RRP15: variants seen among roughly 807,000 people sequenced by gnomAD.
The protein encoded by RRP15 is ribosomal RNA processing 15 homolog.
In RRP15, 18 loss-of-function variants were observed where a neutral mutation model predicts 27.1. That is an observed-to-expected ratio of 0.66 (90% CI 0.46 to 0.98). The LOEUF is 0.98. RRP15 is among the 50% of genes least tolerant of loss of function. RRP15 has a pLI of 0.00. For missense variants in RRP15, 359 were observed against 337.8 expected (o/e 1.06, Z -0.49); for synonymous variants, 107 against 109.4 (o/e 0.98, Z 0.14).
At chr1:218,304,885 A>G (rs972811216) in intron 2 of RRP15, 143 bp from the exon 3 acceptor site, 1 of 695,724 alleles carries the variant, frequency 1.4e-6, no homozygotes, top group East Asian at 2.9e-5. Flanking sequence ...CTAAACCCCT[A>G]ACATTGTGTT....
chr1:218,309,682 CA>C (rs751452477), intron 4 of RRP15, among the ~76,000 whole-genome samples: 2,023 of 22,494 alleles, frequency 0.09, 7 homozygotes, highest in African/African-American at 0.16. Flanking sequence ...GACTCCATCT[CA>C]AAAAAAAAAA....
chr1:218,302,371 C>T lies in RRP15; in HGVS notation c.217C>T (p.Pro73Ser), dbSNP rs1333334882. 6.2e-7 allele frequency: 1 copy of T among 1,613,900 alleles called. No homozygotes were observed. The highest frequency in any genetic ancestry group is 2.2e-5 in the East Asian group (1 of 44,852). ...AGCTGACAGTGAGGGTGATGCTGAGCCCTGTGACAAAGAAAATGAAAATGA... is the reference window on the plus strand; with the variant it reads ...AGCTGACAGTGAGGGTGATGCTGAGTCCTGTGACAAAGAAAATGAAAATGA... ...IEADSEGDAE[P>S]CDKENENDGE... The change falls in exon 2 of 5, where the codon CCC (proline) becomes TCC (serine). Residue 73 changes from proline to serine, a missense_variant. By Grantham distance (74) the Pro-to-Ser change is moderately conservative. Coordinates refer to ENST00000366932, the MANE Select transcript of RRP15 (RefSeq NM_016052.4).
Position 218,285,341 on chromosome 1 carries a change from CG to C in RRP15, c.26del (p.Arg9LeufsTer2). ...AATGGCAGCCGCCGCTCCGGACTCA[CG>C]TGTGAGTGAGGAAGAAAACCTGAAA... is the stretch of plus-strand genomic sequence containing the variant. Reference protein sequence around the residue: MAAAAPDSRVSEEENLKKT... With the variant: MAAAAPDSXVSEEENLKKT... On this transcript the variant is annotated frameshift_variant, in exon 1 of 5. Coordinates refer to ENST00000366932, the MANE Select transcript of RRP15 (RefSeq NM_016052.4). LOFTEE classifies it high-confidence loss of function. 6.2e-7 allele frequency: 1 copy of C among 1,614,038 alleles called. No individual in the cohort carries two copies. The highest frequency in any genetic ancestry group is 8.5e-7 in the Non-Finnish European group (1 of 1,179,970).
intron 1 of RRP15, among the ~76,000 whole-genome samples, chr1:218,295,129 A>G (rs1052665816): frequency 3.3e-5 from 5 of 152,190 alleles, no homozygotes; most frequent in Admixed American, 2.6e-4. Context: ...CAAAACAGAA[A>G]AACAGTCTTC....
rs1405085222 is a variant in RRP15 at position 218,333,795 on chromosome 1, C to T, written c.*2704C>T. On this transcript the variant is annotated 3_prime_UTR_variant, in exon 5 of 5. Transcript: ENST00000366932. ...ATTACAGGTGTGAGCCACCATACCA[C>T]CTGTCTTTGAATTTTTTAACGAGGG... The T allele has an allele frequency of 6.6e-6, 1 of 152,082 alleles. No individual in the cohort carries two copies. Among genetic ancestry groups the T allele is most frequent in the East Asian group, 1.9e-4 (1 of 5,186 alleles). 9.4% of individuals were successfully genotyped at this position (152,082 alleles called of 1,614,324 possible).
In RRP15 at chr1:218,333,174, C is replaced by A. The variant is rs573803911; in HGVS notation, c.*2083C>A. 3 of 151,726 alleles carry A rather than the reference C, an allele frequency of 2.0e-5. No individual in the cohort carries two copies. The South Asian group carries it at 6.2e-4, about 31-fold the overall frequency. 9.4% of individuals were successfully genotyped at this position (151,726 alleles called of 1,614,324 possible). On this transcript the variant is annotated 3_prime_UTR_variant, in exon 5 of 5. Coordinates refer to ENST00000366932, the MANE Select transcript of RRP15 (RefSeq NM_016052.4). ...TTTATTCCAAAGAAAAATTGAGTTG[C>A]CACTATCAGGAAAAAAAAAATGTAT...
intron 4 of RRP15, among the ~76,000 whole-genome samples, chr1:218,327,882 A>G (rs1440844883): frequency 1.3e-5 from 2 of 152,258 alleles, no homozygotes; most frequent in Non-Finnish European, 2.9e-5. Flanking sequence ...GTCTTATAGC[A>G]GTGAACAAAA....
At position 218,307,096 on chromosome 1, in the gene RRP15, T is replaced by C. The variant is rs143961669; in HGVS notation, c.504-335T>C. Among the ~76,000 whole-genome samples, 1,013 of 152,342 alleles carry C rather than the reference T, an allele frequency of 6.6e-3. 6 individuals carry two copies. Among genetic ancestry groups the C allele is most frequent in the African/African-American group, 0.023 (955 of 41,584 alleles). Reference sequence around the variant, plus strand: ...CATAACACAAGAGTTGCAGATAACGTAGCTAAATACTTTTTAAGCTACTGA... The same window carrying C: ...CATAACACAAGAGTTGCAGATAACGCAGCTAAATACTTTTTAAGCTACTGA... On this transcript the variant is annotated intron_variant, in intron 3 of 4. Coordinates refer to ENST00000366932, the MANE Select transcript of RRP15 (RefSeq NM_016052.4).
intron 1 of RRP15, among the ~76,000 whole-genome samples, chr1:218,292,670 TTGAC>T: frequency 1.3e-5 from 2 of 152,358 alleles, no homozygotes; most frequent in Middle Eastern, 6.8e-3. Flanking sequence ...ATAACAGTGA[TTGAC>T]TGACTGAATC....
chr1:218,325,034 C>G (rs146508819), intron 4 of RRP15, among the ~76,000 whole-genome samples: 1 of 152,116 alleles, frequency 6.6e-6, no homozygotes, highest in Non-Finnish European at 1.5e-5. Context: ...TTTCTTTGAT[C>G]CTTGGAATTT....
chr1:218,311,202 C>T (rs967396603), intron 4 of RRP15, among the ~76,000 whole-genome samples: 4 of 152,128 alleles, frequency 2.6e-5, no homozygotes, highest in African/African-American at 9.7e-5. Flanking sequence ...GTACTTTCTT[C>T]TGGTATTTAC....
chr1:218,307,432 G>A lies in RRP15; in HGVS notation c.505G>A (p.Gly169Ser). Residue 169 changes from glycine to serine, a missense_variant and splice_region_variant, in exon 4 of 5, where the codon GGT (glycine) becomes AGT (serine). Gly to Ser is a moderately conservative substitution (Grantham distance 56). Transcript: ENST00000366932. ...TTCTGGTCATTTTATATTCTACAGGGGTGTGGTGCAATTATTTAATGCTGT... is the reference window on the plus strand; with the variant it reads ...TTCTGGTCATTTTATATTCTACAGGAGTGTGGTGCAATTATTTAATGCTGT... ...ERNLQRIATR[G>S]VVQLFNAVQK... is the part of the protein sequence containing the mutation. The A allele has an allele frequency of 6.2e-7, 1 of 1,611,924 alleles. No individual in the cohort carries two copies.
At chr1:218,309,819 T>C (rs1655964521) in intron 4 of RRP15, among the ~76,000 whole-genome samples, 1 of 152,142 alleles carries the variant, frequency 6.6e-6, no homozygotes, top group Non-Finnish European at 1.5e-5. Flanking sequence ...CAAGATTAAC[T>C]TGATAGTAGG....
intron 1 of RRP15, among the ~76,000 whole-genome samples, chr1:218,291,874 G>C (rs1183612089): frequency 6.7e-6 from 1 of 149,066 alleles, no homozygotes; most frequent in South Asian, 2.1e-4. Context: ...GTCTTGGTCT[G>C]TTGCCTAGGC....
In RRP15 at chr1:218,335,775, G is replaced by A. The variant is rs946115650; in HGVS notation, c.*4684G>A. ...ATAAACTTTTATTGATATAATTTAG[G>A]CATATACAAATACTGGTGAAATTTT... On this transcript the variant is annotated 3_prime_UTR_variant, in exon 5 of 5. Transcript: ENST00000366932. The A allele has an allele frequency of 6.6e-6, 1 of 151,900 alleles. No individual in the cohort carries two copies. Among genetic ancestry groups the A allele is most frequent in the Non-Finnish European group, 1.5e-5 (1 of 67,960 alleles). 9.4% of individuals were successfully genotyped at this position (151,900 alleles called of 1,614,324 possible).
At position 218,336,906 on chromosome 1, in the gene RRP15, A is replaced by C. The variant is rs1053955511; in HGVS notation, c.*5815A>C. 6.6e-6 allele frequency: 1 copy of C among 152,130 alleles called. No homozygotes were observed. Among genetic ancestry groups the C allele is most frequent in the Non-Finnish European group, 1.5e-5 (1 of 68,018 alleles). 9.4% of individuals were successfully genotyped at this position (152,130 alleles called of 1,614,324 possible). On this transcript the variant is annotated 3_prime_UTR_variant, in exon 5 of 5. Transcript: ENST00000366932. ...GGATTCCCAAATATACTCCTTAATA[A>C]CCAGTAAAGTTATATTTACACTGGA...
At chr1:218,308,133 G>A (rs1447346828) in intron 4 of RRP15, among the ~76,000 whole-genome samples, 3 of 137,722 alleles carry the variant, frequency 2.2e-5, no homozygotes, top group East Asian at 2.3e-4. Context: ...GTGCAGTGGC[G>A]CGATCTCGGC....
chr1:218,295,844 T>C (rs1655709948), intron 1 of RRP15, among the ~76,000 whole-genome samples: 1 of 152,240 alleles, frequency 6.6e-6, no homozygotes, highest in South Asian at 2.1e-4. Context: ...TTTCCCATGG[T>C]ACCACTATCA....
chr1:218,316,924 C>T (rs747611044), intron 4 of RRP15, among the ~76,000 whole-genome samples: 27 of 152,182 alleles, frequency 1.8e-4, no homozygotes, highest in African/African-American at 5.3e-4. Context: ...TGGATATTCT[C>T]ACTCACGTTA....
Sources: allele counts gnomAD v4.1 joint callset (sites outside exome capture counted in the v4.1 genomes callset), GRCh38; gene constraint gnomAD v4.1.1; transcripts MANE v1.5; gene names NCBI Gene and HGNC (gene_info 2026-07-23, HGNC 2026-07-21).